Variants in SHC3 observed in about 807,000 individuals in gnomAD.
SHC3 encodes SHC adaptor protein 3, also known as SHC-transforming protein 3.
A neutral mutation model predicts 60.4 loss-of-function variants in SHC3; 15 were observed. The ratio of observed to expected loss-of-function variants is 0.25; its 90% CI spans 0.17 to 0.38. The LOEUF is 0.38. Among genes scored for constraint, SHC3 ranks in the 10% least tolerant of loss-of-function variants. SHC3 has a pLI of 1.00. For synonymous variants in SHC3, 294 were observed against 325.9 expected (o/e 0.90, Z 1.05); for missense variants, 677 against 786.1 (o/e 0.86, Z 1.66).
chr9:89,139,641 G>A (rs1227408042), intron 1 of SHC3, among the ~76,000 whole-genome samples: 1 of 152,190 alleles, frequency 6.6e-6, no homozygotes, highest in Non-Finnish European at 1.5e-5. Context: ...TATCACACAG[G>A]TCAGGAATTC....
chr9:89,128,437 G>T (rs1826194924), intron 1 of SHC3, among the ~76,000 whole-genome samples: 4 of 152,164 alleles, frequency 2.6e-5, no homozygotes, highest in Admixed American at 2.0e-4. Flanking sequence ...TCTGAGAATG[G>T]ACAGACTACC....
At chr9:89,122,848 C>T (rs1248811449) in intron 1 of SHC3, among the ~76,000 whole-genome samples, 2 of 152,170 alleles carry the variant, frequency 1.3e-5, no homozygotes, top group Admixed American at 1.3e-4. Flanking sequence ...CTAAATACTT[C>T]TGTTACCAAG....
Position 89,178,265 on chromosome 9 carries a change from GGCC to G in SHC3, c.193_195del (p.Gly65del). ...AGGTGGGACACCTTGTGGAGCAGGT[GGCC>G]CAGGCTGCCGGGCCCATCGTCGGGC... is the stretch of plus-strand genomic sequence containing the variant. On this transcript the variant is annotated inframe_deletion, in exon 1 of 12. Coordinates refer to ENST00000375835, the MANE Select transcript of SHC3 (RefSeq NM_016848.6). The surrounding 1 kb of genome is among the most constrained non-coding windows in gnomAD (Gnocchi z 6.9). The G allele has an allele frequency of 6.5e-7, 1 of 1,539,668 alleles. No homozygotes were observed. Among genetic ancestry groups the G allele is most frequent in the Non-Finnish European group, 8.7e-7 (1 of 1,145,098 alleles).
chr9:89,075,566 C>T (rs1825346038), intron 3 of SHC3, among the ~76,000 whole-genome samples: 1 of 152,166 alleles, frequency 6.6e-6, no homozygotes, highest in African/African-American at 2.4e-5. Flanking sequence ...GGGGAAAGCC[C>T]ATCACATTTT....
At chr9:89,163,889 G>A (rs1191553261) in intron 1 of SHC3, among the ~76,000 whole-genome samples, 1 of 151,354 alleles carries the variant, frequency 6.6e-6, no homozygotes, top group Non-Finnish European at 1.5e-5. Flanking sequence ...GGTTGCAGAA[G>A]ACTGTCTTCT....
chr9:89,045,912 C>G, intron 8 of SHC3, 79 bp from the exon 9 acceptor site: 1 of 1,424,604 alleles, frequency 7.0e-7, no homozygotes, highest in Non-Finnish European at 9.8e-7. Flanking sequence ...ACAAGACAGT[C>G]GGCGAGTTGA....
chr9:89,129,745 C>A (rs998101268), intron 1 of SHC3, among the ~76,000 whole-genome samples: 6 of 152,184 alleles, frequency 3.9e-5, no homozygotes, highest in Admixed American at 3.9e-4. Flanking sequence ...CTTACAAGAG[C>A]TCCTGAAGGA....
At chr9:89,110,298 GC>G in intron 2 of SHC3, 3 of 984,526 alleles carry the variant, frequency 3.0e-6, no homozygotes, top group Non-Finnish European at 3.6e-6. Flanking sequence ...TTAATTATCT[GC>G]TTATAAAAAT....
chr9:89,051,328 A>C (rs1255061447), intron 7 of SHC3, among the ~76,000 whole-genome samples: 1 of 152,192 alleles, frequency 6.6e-6, no homozygotes, highest in Non-Finnish European at 1.5e-5. Context: ...CTTTTCTTTT[A>C]ATGCTTGATG....
In SHC3 at chr9:89,042,141, C is replaced by G. The variant is rs1263156044; in HGVS notation, c.1245G>C (p.Val415=). 3 of 1,558,952 alleles carry G rather than the reference C, an allele frequency of 1.9e-6. No homozygotes were observed. The highest frequency in any genetic ancestry group is 2.6e-6 in the Non-Finnish European group (3 of 1,160,726). Residue 415 remains valine (V), a synonymous_variant, in exon 10 of 12, where the codon GTG becomes GTC. Coordinates refer to ENST00000375835, the MANE Select transcript of SHC3 (RefSeq NM_016848.6). ...AGGTGGGTGCTTCTCCCGTGGGGGC[C>G]ACGTGCAGTTTCCCTTCTGGCGTGC... ...IYSTPEGKLH[V]APTGEAPTYV...
intron 1 of SHC3, among the ~76,000 whole-genome samples, chr9:89,166,318 C>T (rs533561525): frequency 3.3e-5 from 5 of 152,340 alleles, no homozygotes; most frequent in African/African-American, 9.6e-5. Flanking sequence ...ATCCACCACT[C>T]TATCCCCAAT....
At position 89,065,403 on chromosome 9, in the gene SHC3, C is replaced by T. The variant is rs994049209; in HGVS notation, c.835+126G>A. ...ACAACCCTTGCAAACCTCATTCATC[C>T]TTAGTAATACAAGATGGCACTACTC... On this transcript the variant is annotated intron_variant, in intron 6 of 11. Coordinates refer to ENST00000375835, the MANE Select transcript of SHC3 (RefSeq NM_016848.6). 5.8e-5 allele frequency: 58 copies of T among 1,007,364 alleles called. No homozygotes were observed. In the African/African-American group the frequency reaches 8.2e-4, roughly 14 times the overall value. 62.4% of individuals were successfully genotyped at this position (1,007,364 alleles called of 1,614,324 possible). A position where few individuals can be genotyped will look rare whatever the true frequency, so the allele number is the denominator to read the frequency against.
At position 89,077,889 on chromosome 9, in the gene SHC3, C is replaced by T. The variant is rs779537436; in HGVS notation, c.560G>A (p.Arg187His). Residue 187 changes from arginine (R) to histidine (H), a missense_variant, in exon 3 of 12, where the codon CGC becomes CAC. By Grantham distance (29) the Arg-to-His change is conservative. Coordinates refer to ENST00000375835, the MANE Select transcript of SHC3 (RefSeq NM_016848.6). ...RTQITREAIS[R>H]VCEAVPGAKG... Reference sequence around the variant, plus strand: ...CGCACCAGGCACAGCTTCACAGACGCGGCTGATGGCTTCCCTTAGGACAGG... The same window carrying T: ...CGCACCAGGCACAGCTTCACAGACGTGGCTGATGGCTTCCCTTAGGACAGG... 4.3e-6 allele frequency: 7 copies of T among 1,614,096 alleles called. No homozygotes were observed. Among genetic ancestry groups the T allele is most frequent in the East Asian group, 2.2e-5 (1 of 44,900 alleles).
At chr9:89,044,858 A>G (rs1325334344) in intron 9 of SHC3, among the ~76,000 whole-genome samples, 1 of 152,170 alleles carries the variant, frequency 6.6e-6, no homozygotes, top group Non-Finnish European at 1.5e-5. Context: ...GGTGCATATT[A>G]TGATTGTAAG....
Position 89,132,162 on chromosome 9 carries a change from G to C in SHC3, c.475-19536C>G, listed in dbSNP as rs570320111. Among the ~76,000 whole-genome samples, 623 of 152,232 alleles carry C rather than the reference G, an allele frequency of 4.1e-3. 2 individuals are homozygous for C. The highest frequency in any genetic ancestry group is 0.014 in the African/African-American group (593 of 41,540). Reference sequence around the variant, plus strand: ...CATGAGTGAACTCCCATTCACAATTGCTTCAAAGAGAATAAAATACCTAGG... The same window carrying C: ...CATGAGTGAACTCCCATTCACAATTCCTTCAAAGAGAATAAAATACCTAGG... On this transcript the variant is annotated intron_variant, in intron 1 of 11. Transcript: ENST00000375835.
intron 1 of SHC3, among the ~76,000 whole-genome samples, chr9:89,166,093 C>T (rs1012069181): frequency 2.6e-5 from 4 of 152,142 alleles, no homozygotes; most frequent in South Asian, 2.1e-4. Flanking sequence ...CTGCTTCTGT[C>T]GCCTCCTGGA....
chr9:89,140,014 T>C (rs1040197138), intron 1 of SHC3, among the ~76,000 whole-genome samples: 2 of 152,214 alleles, frequency 1.3e-5, no homozygotes, highest in Non-Finnish European at 2.9e-5. Context: ...TTGAAGACAT[T>C]TTAATTTTAC....
intron 4 of SHC3, among the ~76,000 whole-genome samples, chr9:89,072,966 G>C (rs1365116427): frequency 1.3e-5 from 2 of 152,218 alleles, no homozygotes; most frequent in African/African-American, 2.4e-5. Flanking sequence ...AAACCCCTGA[G>C]TACATAAGTG....
intron 6 of SHC3, 54 bp downstream of exon 6, chr9:89,065,475 T>C: frequency 1.9e-6 from 3 of 1,578,840 alleles, no homozygotes; most frequent in South Asian, 2.2e-5. Flanking sequence ...TTGTATAGAA[T>C]GTGAAGCCTG....
Sources: allele counts gnomAD v4.1 joint callset (sites outside exome capture counted in the v4.1 genomes callset), GRCh38; gene constraint gnomAD v4.1.1; non-coding constraint Gnocchi (gnomAD v3.1); transcripts MANE v1.5; gene names NCBI Gene and HGNC (gene_info 2026-07-23, HGNC 2026-07-21).